RALGAPA2: variants seen among roughly 807,000 people sequenced by gnomAD.
RALGAPA2 encodes ral GTPase-activating protein subunit alpha-2.
In RALGAPA2, 139 loss-of-function variants were observed where a neutral mutation model predicts 230.4. The observed-to-expected ratio is 0.60, with a 90% CI of 0.53 to 0.69. RALGAPA2 has a LOEUF of 0.69. Among genes scored for constraint, RALGAPA2 ranks in the 30% least tolerant of loss-of-function variants. The pLI, the probability that RALGAPA2 is intolerant of heterozygous loss-of-function variation, is 0.00. For missense variants in RALGAPA2, 2,163 were observed against 2,276.0 expected, an observed-to-expected ratio of 0.95 and a Z score of 1.01; for synonymous variants, 847 against 837.8, an observed-to-expected ratio of 1.01 and a Z score of -0.19.
At chr20:20,705,816 G>C (rs567150281) in intron 1 of RALGAPA2, among the ~76,000 whole-genome samples, 1 of 152,142 alleles carries the variant, frequency 6.6e-6, no homozygotes, top group East Asian at 1.9e-4. Flanking sequence ...TTACAGGCAC[G>C]CGCAACCACC....
At chr20:20,417,149 G>A (rs1030300320) in intron 37 of RALGAPA2, among the ~76,000 whole-genome samples, 1 of 152,198 alleles carries the variant, frequency 6.6e-6, no homozygotes, top group African/African-American at 2.4e-5. Context: ...CCCGAGTTCT[G>A]CTGCCACTGT....
chr20:20,427,705 G>A (rs375235527), intron 37 of RALGAPA2, among the ~76,000 whole-genome samples: 1 of 152,238 alleles, frequency 6.6e-6, no homozygotes, highest in East Asian at 1.9e-4. Context: ...TGACCGCACA[G>A]GTTGCCAGTA....
At chr20:20,555,356 G>C (rs2064052552) in intron 23 of RALGAPA2, among the ~76,000 whole-genome samples, 1 of 152,198 alleles carries the variant, frequency 6.6e-6, no homozygotes, top group Admixed American at 6.5e-5. Context: ...TAGGAAACTA[G>C]TAATTCTCTA....
rs1395423577 is a variant in RALGAPA2, at chr20:20,389,848, A to G, written c.*3441T>C. 1 of 151,754 alleles carries G rather than the reference A, an allele frequency of 6.6e-6. No individual in the cohort carries two copies. Among genetic ancestry groups the G allele is most frequent in the Non-Finnish European group, 1.5e-5 (1 of 67,950 alleles). 9.4% of individuals were successfully genotyped at this position (151,754 alleles called of 1,614,324 possible). On this transcript the variant is annotated 3_prime_UTR_variant, in exon 40 of 40. Transcript: ENST00000202677. The stretch of plus-strand genomic sequence containing the variant: ...CATTAGGAAAATTAAATAACAAGAG[A>G]CAGCAAAATAAGAATCAAATGACAC...
intron 24 of RALGAPA2, 103 bp downstream of exon 24, chr20:20,546,601 T>C (rs2063779843): frequency 1.5e-6 from 2 of 1,344,976 alleles, no homozygotes; most frequent in Non-Finnish European, 1.9e-6. Context: ...CAGTTTCACA[T>C]TGCACTAATG....
At chr20:20,577,536 G>A (rs2064858164) in intron 20 of RALGAPA2, among the ~76,000 whole-genome samples, 1 of 152,136 alleles carries the variant, frequency 6.6e-6, no homozygotes, top group Non-Finnish European at 1.5e-5. Flanking sequence ...TACACACTGT[G>A]CCTGAAAGGC....
chr20:20,434,635 T>C (rs2060570065), intron 37 of RALGAPA2, among the ~76,000 whole-genome samples: 1 of 152,174 alleles, frequency 6.6e-6, no homozygotes, highest in Admixed American at 6.5e-5. Context: ...TAGAGGACTA[T>C]ATTAAAATTC....
intron 37 of RALGAPA2, among the ~76,000 whole-genome samples, chr20:20,436,145 C>G (rs2060607199): frequency 1.3e-5 from 2 of 152,212 alleles, no homozygotes; most frequent in African/African-American, 4.8e-5. Flanking sequence ...GCCTAAATCA[C>G]AGACCTGCCT....
intron 1 of RALGAPA2, among the ~76,000 whole-genome samples, chr20:20,696,601 A>AC (rs150156851): frequency 0.018 from 2,691 of 145,462 alleles, 76 homozygotes; most frequent in African/African-American, 0.066. Context: ...CCCCTCTCCC[A>AC]CCCCCGCTCC....
intron 1 of RALGAPA2, among the ~76,000 whole-genome samples, chr20:20,697,543 C>T (rs1402856424): frequency 6.6e-6 from 1 of 152,126 alleles, no homozygotes; most frequent in Admixed American, 6.5e-5. Context: ...TGCCTTTCCT[C>T]TACTTTCTCG....
At chr20:20,524,735 T>C in intron 29 of RALGAPA2, 95 bp downstream of exon 29, 33 of 1,313,066 alleles carry the variant, frequency 2.5e-5, no homozygotes, top group Non-Finnish European at 3.4e-5. Flanking sequence ...AGAAGGATAT[T>C]ACAAAGGATA....
At chr20:20,465,141 G>A (rs1330343837) in intron 37 of RALGAPA2, among the ~76,000 whole-genome samples, 4 of 54,506 alleles carry the variant, frequency 7.3e-5, no homozygotes, top group African/African-American at 2.2e-4. Context: ...CCCTCCCCCC[G>A]CAGGCCTTCA....
chr20:20,529,332 C>T (rs1182547486), intron 27 of RALGAPA2, among the ~76,000 whole-genome samples: 1 of 152,160 alleles, frequency 6.6e-6, no homozygotes, highest in Non-Finnish European at 1.5e-5. Flanking sequence ...GGATAGCGGA[C>T]AGAGTGAGAG....
intron 33 of RALGAPA2, among the ~76,000 whole-genome samples, chr20:20,507,420 G>A (rs1303415041): frequency 6.6e-6 from 1 of 152,154 alleles, no homozygotes; most frequent in East Asian, 1.9e-4. Flanking sequence ...TTGGATCACT[G>A]CAACCTCCAC....
chr20:20,450,023 C>T (rs2060952927), intron 37 of RALGAPA2, among the ~76,000 whole-genome samples: 1 of 152,186 alleles, frequency 6.6e-6, no homozygotes, highest in Non-Finnish European at 1.5e-5. Context: ...ATCCTCGCTT[C>T]CTGGGCTTTG....
intron 37 of RALGAPA2, among the ~76,000 whole-genome samples, chr20:20,448,777 T>TA (rs2060921629): frequency 6.6e-6 from 1 of 152,096 alleles, no homozygotes; most frequent in African/African-American, 2.4e-5. Flanking sequence ...AAAAAAATGT[T>TA]AATCTTTACT....
chr20:20,478,521 T>C (rs1212518555), intron 36 of RALGAPA2, among the ~76,000 whole-genome samples: 2 of 152,120 alleles, frequency 1.3e-5, no homozygotes, highest in African/African-American at 4.8e-5. Context: ...ATCATGTCCT[T>C]TGCAGCAACA....
At chr20:20,424,477 G>A (rs1427701297) in intron 37 of RALGAPA2, among the ~76,000 whole-genome samples, 1 of 152,162 alleles carries the variant, frequency 6.6e-6, no homozygotes, top group Non-Finnish European at 1.5e-5. Context: ...CCATGCTGAC[G>A]CCAATAACTT....
At chr20:20,573,454 G>T (rs1313473580) in intron 20 of RALGAPA2, among the ~76,000 whole-genome samples, 1 of 152,104 alleles carries the variant, frequency 6.6e-6, no homozygotes, top group East Asian at 1.9e-4. Context: ...GGTTCATGGG[G>T]GTGAAATGTG....
Sources: gnomAD v4.1 joint callset for allele counts (sites outside exome capture counted in the v4.1 genomes callset) on GRCh38, gnomAD v4.1.1 for gene constraint, MANE v1.5 for transcripts, NCBI Gene and HGNC (gene_info 2026-07-23, HGNC 2026-07-21) for gene names.